ADAMTS17: variants seen among roughly 807,000 people sequenced by gnomAD.
ADAMTS17 encodes the protein A disintegrin and metalloproteinase with thrombospondin motifs 17.
A neutral mutation model predicts 141.5 loss-of-function variants in ADAMTS17; 113 were observed. That is an observed-to-expected ratio of 0.80 (90% confidence interval 0.69 to 0.93). The LOEUF (loss-of-function observed/expected upper bound fraction) is 0.93. Ranked by LOEUF, ADAMTS17 falls within the 40% of genes least tolerant of loss-of-function variation. The probability of loss-of-function intolerance (pLI) is 0.00; values close to 1 mark genes in which losing one functional copy is unlikely to be tolerated. For missense variants in ADAMTS17, 1,659 were observed against 1,517.9 expected (o/e 1.09, Z -1.54); for synonymous variants, 768 against 630.6 (o/e 1.22, Z -3.27).
chr15:100,020,378 A>G (rs1012363801), intron 18 of ADAMTS17, among the ~76,000 whole-genome samples: 2 of 152,198 alleles, frequency 1.3e-5, no homozygotes, highest in Non-Finnish European at 2.9e-5. Context: ...GCGCTCCCTC[A>G]GCAACTGTGT....
intron 3 of ADAMTS17, among the ~76,000 whole-genome samples, chr15:100,299,291 GGTGT>G (rs143984112): frequency 8.6e-5 from 13 of 150,600 alleles, no homozygotes; most frequent in African/African-American, 3.2e-4. Context: ...CGGACGTCAG[GGTGT>G]GTGTGTGTGT....
intron 18 of ADAMTS17, among the ~76,000 whole-genome samples, chr15:100,004,194 G>A (rs137955933): frequency 5.1e-4 from 78 of 152,356 alleles, no homozygotes; most frequent in East Asian, 3.9e-3. Context: ...AGGAGGAGCC[G>A]TCTACGGGGG....
At chr15:100,024,561 G>A (rs1019802463) in intron 18 of ADAMTS17, among the ~76,000 whole-genome samples, 1 of 152,176 alleles carries the variant, frequency 6.6e-6, no homozygotes, top group South Asian at 2.1e-4. Flanking sequence ...GGAGTGCTTG[G>A]ATCTCTCCGT....
intron 7 of ADAMTS17, among the ~76,000 whole-genome samples, chr15:100,218,355 C>T (rs981103257): frequency 1.3e-5 from 2 of 152,190 alleles, no homozygotes; most frequent in East Asian, 1.9e-4. Context: ...GAATCCAACA[C>T]CACCTCTCAG....
chr15:100,246,270 C>A (rs559676600), intron 7 of ADAMTS17, among the ~76,000 whole-genome samples: 1 of 152,088 alleles, frequency 6.6e-6, no homozygotes, highest in East Asian at 1.9e-4. Flanking sequence ...ATACGAAGCC[C>A]TAAAATGAAT....
chr15:100,116,131 G>GT (rs1367111450), intron 13 of ADAMTS17, among the ~76,000 whole-genome samples: 2 of 80,076 alleles, frequency 2.5e-5, no homozygotes, highest in East Asian at 4.0e-4. Flanking sequence ...ACAGTTTTAG[G>GT]TAAAAAAAAA....
chr15:100,067,678 T>G (rs2033640321), intron 15 of ADAMTS17, among the ~76,000 whole-genome samples: 1 of 152,168 alleles, frequency 6.6e-6, no homozygotes. Context: ...ACTTTGTGCT[T>G]CCCAGGTCAG....
intron 15 of ADAMTS17, among the ~76,000 whole-genome samples, chr15:100,065,858 C>A (rs147769879): frequency 8.5e-4 from 129 of 152,306 alleles, no homozygotes; most frequent in Non-Finnish European, 1.6e-3. Context: ...TGTCCTAATG[C>A]TCTCCCTCCC....
intron 14 of ADAMTS17, among the ~76,000 whole-genome samples, chr15:100,102,193 T>C (rs1421865460): frequency 1.3e-5 from 2 of 152,238 alleles, no homozygotes; most frequent in East Asian, 1.9e-4. Flanking sequence ...TTCTTGGTCT[T>C]TCTCCTTCAT....
intron 8 of ADAMTS17, among the ~76,000 whole-genome samples, chr15:100,155,715 G>A (rs971654493): frequency 6.6e-6 from 1 of 152,180 alleles, no homozygotes; most frequent in African/African-American, 2.4e-5. Context: ...TAATCACTGT[G>A]CTAACGGGAA....
At chr15:100,251,070 C>T (rs886976021) in intron 7 of ADAMTS17, among the ~76,000 whole-genome samples, 4 of 151,876 alleles carry the variant, frequency 2.6e-5, no homozygotes, top group Non-Finnish European at 4.4e-5. Context: ...ACACCATATA[C>T]GTTTAATTTT....
intron 18 of ADAMTS17, among the ~76,000 whole-genome samples, chr15:100,024,870 C>G (rs1156502390): frequency 6.6e-6 from 1 of 152,184 alleles, no homozygotes; most frequent in Non-Finnish European, 1.5e-5. Flanking sequence ...AAATACATGT[C>G]TAGTTGCAAT....
At chr15:100,107,095 G>C (rs2036456564) in intron 14 of ADAMTS17, among the ~76,000 whole-genome samples, 1 of 152,212 alleles carries the variant, frequency 6.6e-6, no homozygotes, top group African/African-American at 2.4e-5. Flanking sequence ...GTTTCAGACT[G>C]ATTTGGCCTT....
chr15:100,259,420 G>A (rs968406023), intron 6 of ADAMTS17, among the ~76,000 whole-genome samples: 34 of 152,222 alleles, frequency 2.2e-4, no homozygotes, highest in African/African-American at 8.0e-4. Context: ...AGCAACAGCG[G>A]CCTCTGGCCA....
At chr15:100,301,937 A>G (rs2045054534) in intron 3 of ADAMTS17, among the ~76,000 whole-genome samples, 1 of 152,180 alleles carries the variant, frequency 6.6e-6, no homozygotes, top group Non-Finnish European at 1.5e-5. Flanking sequence ...TCATCCATAT[A>G]TTATACAATT....
chr15:100,108,861 TG>T (rs915707576), intron 14 of ADAMTS17, 127 bp downstream of exon 14: 27 of 1,526,866 alleles, frequency 1.8e-5, no homozygotes, highest in Non-Finnish European at 2.2e-5. Flanking sequence ...GCGGCATCAC[TG>T]GGTGCCTTCC....
At chr15:100,148,060 C>T (rs2038992180) in intron 10 of ADAMTS17, among the ~76,000 whole-genome samples, 1 of 152,246 alleles carries the variant, frequency 6.6e-6, no homozygotes, top group African/African-American at 2.4e-5. Flanking sequence ...CCCTGATCTC[C>T]TGCCTCCTTC....
intron 3 of ADAMTS17, among the ~76,000 whole-genome samples, chr15:100,321,323 T>C (rs1221077859): frequency 2.6e-5 from 4 of 152,058 alleles, no homozygotes; most frequent in South Asian, 2.1e-4. Context: ...AAGCATGGTA[T>C]AGTAAACAGA....
chr15:100,056,015 G>C (rs1474611886), intron 15 of ADAMTS17, among the ~76,000 whole-genome samples: 1 of 152,168 alleles, frequency 6.6e-6, no homozygotes, highest in East Asian at 1.9e-4. Flanking sequence ...CATCAGTCTA[G>C]ATTTTATGAC....
Sources: gnomAD v4.1 joint callset for allele counts (sites outside exome capture counted in the v4.1 genomes callset) on GRCh38, gnomAD v4.1.1 for gene constraint, MANE v1.5 for transcripts, NCBI Gene and HGNC (gene_info 2026-07-23, HGNC 2026-07-21) for gene names.